Variants in OPLAH observed in about 807,000 individuals in gnomAD.
OPLAH encodes 5-oxoprolinase.
A neutral mutation model predicts 122.8 loss-of-function variants in OPLAH; 103 were observed. That is an observed-to-expected ratio of 0.84 (90% CI 0.71 to 0.99). The LOEUF is 0.99. Ranked by LOEUF, OPLAH falls within the 50% of genes least tolerant of loss-of-function variation. OPLAH has a pLI of 0.00. For synonymous variants in OPLAH, 875 were observed against 796.0 expected, an observed-to-expected ratio of 1.10 and a Z score of -1.67; for missense variants, 1,902 against 1,836.5, an observed-to-expected ratio of 1.04 and a Z score of -0.65.
At position 144,057,336 on chromosome 8, in the gene OPLAH, G is replaced by A. The variant is rs1835545502; in HGVS notation, c.1423-16C>T. 1.2e-6 allele frequency: 2 copies of A among 1,605,278 alleles called. No individual in the cohort carries two copies. Among genetic ancestry groups the A allele is most frequent in the African/African-American group, 1.3e-5 (1 of 74,820 alleles). ...GGCCTCTTGCCTAGGGAGACAGAAGGGGTCAGTGGGCTCTCCTACTCTACC... is the reference window on the plus strand; with the variant it reads ...GGCCTCTTGCCTAGGGAGACAGAAGAGGTCAGTGGGCTCTCCTACTCTACC... On this transcript the variant is annotated splice_polypyrimidine_tract_variant and intron_variant, in intron 10 of 26. Coordinates refer to ENST00000618853, the MANE Select transcript of OPLAH (RefSeq NM_017570.5).
chr8:144,058,105 G>C lies in OPLAH; in HGVS notation c.993C>G (p.His331Gln). The change falls in exon 8 of 27, where the codon CAC (histidine) becomes CAG (glutamine). Residue 331 changes from histidine to glutamine, a missense_variant. Transcript: ENST00000618853. Reference sequence around the variant, plus strand: ...CGCCAGCTGTGCTGGCCTCGAAGACGTGCTCGAATTCCCCAGCATAGCGGC... The same window carrying C: ...CGCCAGCTGTGCTGGCCTCGAAGACCTGCTCGAATTCCCCAGCATAGCGGC... ...DVSRYAGEFE[H>Q]VFEASTAGVT... The C allele has an allele frequency of 6.2e-7, 1 of 1,612,548 alleles. No homozygotes were observed. The highest frequency in any genetic ancestry group is 8.5e-7 in the Non-Finnish European group (1 of 1,179,824).
Position 144,058,343 on chromosome 8 carries a change from C to A in OPLAH, c.845G>T (p.Gly282Val). ...GGLAPMDTFS[G>V]SSAVLSGPAG... is the part of the protein sequence containing the mutation. ...CGGGCCCGAGAGCACAGCACTGGAG[C>A]CGCTGAAGGTGTCCATGGGCGCCAG... The change falls in exon 7 of 27, where the codon GGC (glycine) becomes GTC (valine). Residue 282 changes from glycine (G) to valine (V), a missense_variant. By Grantham distance (109) the Gly-to-Val change is moderately radical. Coordinates refer to ENST00000618853, the MANE Select transcript of OPLAH (RefSeq NM_017570.5). The A allele has an allele frequency of 6.3e-7, 1 of 1,598,016 alleles. No individual in the cohort carries two copies.
intron 3 of OPLAH, 112 bp downstream of exon 3, chr8:144,059,487 G>C: frequency 8.7e-7 from 1 of 1,149,412 alleles, no homozygotes; most frequent in Non-Finnish European, 1.2e-6. Context: ...CCTCTTTGTC[G>C]GCTGGTGCCC....
rs376370162 is a variant in OPLAH at position 144,058,595 on chromosome 8, G to A, written c.684C>T (p.Ile228=). 1.5e-4 allele frequency: 241 copies of A among 1,603,144 alleles called. No individual in the cohort carries two copies. The African/African-American group carries it at 1.6e-3, about 10-fold the overall frequency. Residue 228 remains isoleucine (I), a synonymous_variant, in exon 6 of 27, where the codon ATC becomes ATT. Transcript: ENST00000618853. The part of the protein sequence containing the change: ...LSSEAMPMVR[I]VPRGHTACAD... The stretch of plus-strand genomic sequence containing the variant: ...CACAGGCCGTGTGCCCCCGAGGGAC[G>A]ATGCGCACCATGGGCATGGCCTCCG...
chr8:144,056,357 T>G, intron 14 of OPLAH, 28 bp downstream of exon 14: 4 of 1,596,548 alleles, frequency 2.5e-6, no homozygotes, highest in Non-Finnish European at 3.4e-6. Context: ...ATGGGTGCTG[T>G]CAGGCTGGCA....
At position 144,055,151 on chromosome 8, in the gene OPLAH, T is replaced by C. The variant is rs1835481546; in HGVS notation, c.2287A>G (p.Thr763Ala). Residue 763 changes from threonine (T) to alanine (A), a missense_variant, in exon 17 of 27, where the codon ACC (threonine) becomes GCC (alanine). This residue lies in a region of OPLAH where 1,726 missense variants were observed against 1,642.1 expected (regional missense o/e 1.05). Transcript: ENST00000618853. This position sits in a 1 kb window ranked among gnomAD's most constrained non-coding sequence, Gnocchi z 6.5. ...GRILQRTAISTNIKERLDFSC... is the reference protein window; with the variant it reads ...GRILQRTAISANIKERLDFSC... ...AAGTCCAGACGCTCCTTGATGTTGG[T>C]GGAGATGGCTGTGCGCTGCAGGATG... 6.3e-7 allele frequency: 1 copy of C among 1,575,112 alleles called. No individual in the cohort carries two copies. Among genetic ancestry groups the C allele is most frequent in the African/African-American group, 1.4e-5 (1 of 73,484 alleles).
chr8:144,053,812 C>T (rs1835445919), intron 19 of OPLAH, among the ~76,000 whole-genome samples: 1 of 151,142 alleles, frequency 6.6e-6, no homozygotes, highest in Non-Finnish European at 1.5e-5. Flanking sequence ...TTCCCTGTCT[C>T]TCCTACCCCC....
intron 3 of OPLAH, 97 bp downstream of exon 3, chr8:144,059,502 G>A (rs1554760352): frequency 4.7e-6 from 6 of 1,276,416 alleles, no homozygotes; most frequent in Non-Finnish European, 5.4e-6. Flanking sequence ...GTGCCCATGA[G>A]CCATCACTAA....
intron 17 of OPLAH, 54 bp downstream of exon 17, chr8:144,054,975 G>C: frequency 3.8e-6 from 4 of 1,063,932 alleles, no homozygotes; most frequent in South Asian, 1.8e-5. Flanking sequence ...CGGGGTGGGG[G>C]GGGGGTGGAG....
At position 144,058,007 on chromosome 8, in the gene OPLAH, G is replaced by A; in HGVS notation, c.1088+3C>T. ...TCCCAGCCTGGGAAGCAGGAGAGCT[G>A]ACCTGAAGAAGAGGCGGGAACCCCC... is the stretch of plus-strand genomic sequence containing the variant. On this transcript the variant is annotated splice_donor_region_variant and intron_variant, in intron 8 of 26. Transcript: ENST00000618853. 6.2e-7 allele frequency: 1 copy of A among 1,612,454 alleles called. No individual in the cohort carries two copies. Among genetic ancestry groups the A allele is most frequent in the Non-Finnish European group, 8.5e-7 (1 of 1,179,738 alleles).
rs782581546 is a variant in OPLAH, at chr8:144,057,918, C to T, written c.1094G>A (p.Gly365Asp). The T allele has an allele frequency of 2.5e-6, 4 of 1,611,916 alleles. No individual in the cohort carries two copies. Among genetic ancestry groups the T allele is most frequent in the Non-Finnish European group, 3.4e-6 (4 of 1,179,550 alleles). ...TGACTCGGGCCCAACCACAAAGAGG[C>T]CAGACCTAGGGGAAGGAAGGGCTGG... ...GGGSRLFFRS[G>D]LFVVGPESAG... Residue 365 changes from glycine to aspartate, a missense_variant, in exon 9 of 27, where the codon GGC (glycine) becomes GAC (aspartate). By Grantham distance (94) the Gly-to-Asp change is moderately conservative. This residue lies in a region of OPLAH where 1,726 missense variants were observed against 1,642.1 expected (regional missense o/e 1.05). Coordinates refer to ENST00000618853, the MANE Select transcript of OPLAH (RefSeq NM_017570.5).
rs1835494316 is a variant in OPLAH at position 144,055,668 on chromosome 8, C to G, written c.2248+120G>C. ...GCACCACACCAGTGCTGCGGCCACA[C>G]TGCCCGCCCCGTCGCCAGGGGGTCC... On this transcript the variant is annotated intron_variant, in intron 16 of 26. Coordinates refer to ENST00000618853, the MANE Select transcript of OPLAH (RefSeq NM_017570.5). This position sits in a 1 kb window ranked among gnomAD's most constrained non-coding sequence, Gnocchi z 6.5. 1.6e-6 allele frequency: 2 copies of G among 1,257,776 alleles called. No individual in the cohort carries two copies. The highest frequency in any genetic ancestry group is 2.1e-6 in the Non-Finnish European group (2 of 949,938). The allele number at this position is 1,257,776 out of a possible 1,614,324, so 77.9% of individuals were successfully genotyped here.
At chr8:144,054,255 C>A (rs1171736532) in intron 19 of OPLAH, among the ~76,000 whole-genome samples, 2 of 152,084 alleles carry the variant, frequency 1.3e-5, no homozygotes, top group Non-Finnish European at 2.9e-5. Context: ...TATGACTGCA[C>A]ACACCACAAG....
At position 144,054,194 on chromosome 8, in the gene OPLAH, G is replaced by T. The variant is rs551713640; in HGVS notation, c.2686+367C>A. Reference sequence around the variant, plus strand: ...ACCTAGGCCCAGAAAACTCTACAGGGGCCTTTGGGCCCTGCCCCTGCCCTG... The same window carrying T: ...ACCTAGGCCCAGAAAACTCTACAGGTGCCTTTGGGCCCTGCCCCTGCCCTG... On this transcript the variant is annotated intron_variant, in intron 19 of 26. Transcript: ENST00000618853. 9.2e-5 allele frequency among the ~76,000 whole-genome samples: 14 copies of T among 151,964 alleles called. 1 individual carries two copies. In the East Asian group the frequency reaches 2.7e-3, roughly 30 times the overall value.
rs1835511318 is a variant in OPLAH at position 144,056,274 on chromosome 8, G to T, written c.1984-15C>A. The T allele has an allele frequency of 6.2e-7, 1 of 1,607,202 alleles. No homozygotes were observed. The highest frequency in any genetic ancestry group is 1.3e-5 in the African/African-American group (1 of 74,936). ...CACTGGGTCATCTGCAGAGGGTGCG[G>T]GTGAGTACAGCGCCCGGGCCCAGCA... is the stretch of plus-strand genomic sequence containing the variant. On this transcript the variant is annotated splice_polypyrimidine_tract_variant and intron_variant, in intron 14 of 26. Coordinates refer to ENST00000618853, the MANE Select transcript of OPLAH (RefSeq NM_017570.5).
chr8:144,056,601 G>A lies in OPLAH; in HGVS notation c.1844+17C>T, dbSNP rs372206861. ...GAGGGCCCCTTGCCAGGGATCCGGA[G>A]TCAGGAAGCCACGTACCGCTCCACA... On this transcript the variant is annotated intron_variant, in intron 13 of 26. Coordinates refer to ENST00000618853, the MANE Select transcript of OPLAH (RefSeq NM_017570.5). The A allele has an allele frequency of 1.2e-6, 2 of 1,612,284 alleles. No individual in the cohort carries two copies. The highest frequency in any genetic ancestry group is 1.7e-6 in the Non-Finnish European group (2 of 1,179,778).
In OPLAH at chr8:144,059,789, T is replaced by C; in HGVS notation, c.173A>G (p.Glu58Gly). ...GTCCCGGGGCAGGAGCATGCCGGCC[T>C]CCTGGGGACCACGTGGTCAGTGTGG... ...TEGIRRILEQEAGMLLPRDQP... is the reference protein window; with the variant it reads ...TEGIRRILEQGAGMLLPRDQP... Residue 58 changes from glutamate (E) to glycine (G), a missense_variant and splice_region_variant, in exon 3 of 27, where the codon GAG becomes GGG. Around this residue, in one of 3 missense-constraint regions of OPLAH, gnomAD observed 168 missense variants for 170.6 expected, o/e 0.98. Transcript: ENST00000618853. The C allele has an allele frequency of 6.2e-7, 1 of 1,608,318 alleles. No homozygotes were observed. Among genetic ancestry groups the C allele is most frequent in the Non-Finnish European group, 8.5e-7 (1 of 1,178,414 alleles).
intron 18 of OPLAH, 21 bp from the exon 19 acceptor site, chr8:144,054,756 G>A (rs782144747): frequency 1.9e-5 from 31 of 1,612,112 alleles, no homozygotes; most frequent in Non-Finnish European, 1.7e-5. Context: ...GAGAGCCACG[G>A]TCAGCTGCAT....
At chr8:144,056,793 C>T (rs1222205382) in intron 12 of OPLAH, 38 bp from the exon 13 acceptor site, 4 of 1,572,130 alleles carry the variant, frequency 2.5e-6, no homozygotes, top group Non-Finnish European at 3.5e-6. Flanking sequence ...ACCAAACCCC[C>T]TGCCCTGACC....
Sources: allele counts gnomAD v4.1 joint callset (sites outside exome capture counted in the v4.1 genomes callset), GRCh38; gene constraint gnomAD v4.1.1; regional missense constraint gnomAD v4.1.1; non-coding constraint Gnocchi (gnomAD v3.1); transcripts MANE v1.5; gene names NCBI Gene and HGNC (gene_info 2026-07-23, HGNC 2026-07-21).